PHF20L1: variants seen among roughly 807,000 people sequenced by gnomAD.
PHF20L1 encodes the protein PHD finger protein 20 like 1.
A neutral mutation model predicts 125.5 loss-of-function variants in PHF20L1; 44 were observed. The ratio of observed to expected loss-of-function variants is 0.35; its 90% CI spans 0.28 to 0.45. The LOEUF is 0.45. Among genes scored for constraint, PHF20L1 ranks in the 20% least tolerant of loss-of-function variants. The pLI is 1.00. For synonymous variants in PHF20L1, 380 were observed against 403.1 expected, an observed-to-expected ratio of 0.94 and a Z score of 0.69; for missense variants, 1,012 against 1,217.2, an observed-to-expected ratio of 0.83 and a Z score of 2.51.
intron 19 of PHF20L1, 142 bp from the exon 20 acceptor site, chr8:132,844,014 A>G: frequency 1.4e-6 from 2 of 1,432,872 alleles, no homozygotes; most frequent in Non-Finnish European, 1.8e-6. Context: ...GTTATGTAGC[A>G]GTACTTCTTT....
intron 2 of PHF20L1, among the ~76,000 whole-genome samples, chr8:132,789,939 C>T (rs1831481359): frequency 6.6e-6 from 1 of 152,108 alleles, no homozygotes; most frequent in South Asian, 2.1e-4. Flanking sequence ...TTTCTTTTCT[C>T]TTTATCTCTA....
intron 2 of PHF20L1, among the ~76,000 whole-genome samples, chr8:132,786,755 A>T (rs1043071663): frequency 4.6e-5 from 7 of 152,104 alleles, no homozygotes; most frequent in Non-Finnish European, 8.8e-5. Flanking sequence ...TTAGTACTTC[A>T]TTTAAAGGGT....
intron 2 of PHF20L1, among the ~76,000 whole-genome samples, chr8:132,786,219 T>C (rs994177436): frequency 1.3e-5 from 2 of 152,158 alleles, no homozygotes; most frequent in African/African-American, 4.8e-5. Flanking sequence ...TCAAACGTGA[T>C]GAAAGTTAAG....
At chr8:132,845,704 C>T in intron 20 of PHF20L1, 77 bp from the exon 21 acceptor site, 1 of 1,044,084 alleles carries the variant, frequency 9.6e-7, no homozygotes, top group African/African-American at 1.6e-5. Flanking sequence ...ATCACAGCTC[C>T]AACTTTCTGA....
At chr8:132,835,530 T>C (rs989173719) in intron 15 of PHF20L1, among the ~76,000 whole-genome samples, 6 of 152,104 alleles carry the variant, frequency 3.9e-5, no homozygotes, top group Non-Finnish European at 5.9e-5. Context: ...CTGAGCAAAA[T>C]GGTAGGCTTT....
chr8:132,792,045 C>T (rs1831780540), intron 2 of PHF20L1, among the ~76,000 whole-genome samples: 1 of 152,116 alleles, frequency 6.6e-6, no homozygotes, highest in Admixed American at 6.5e-5. Flanking sequence ...TTACTGTGGA[C>T]TATTCTCACT....
At chr8:132,830,095 C>A (rs1836600147) in intron 14 of PHF20L1, among the ~76,000 whole-genome samples, 1 of 152,044 alleles carries the variant, frequency 6.6e-6, no homozygotes, top group East Asian at 1.9e-4. Context: ...ACCAAGGTAT[C>A]AACAGGGCTC....
intron 14 of PHF20L1, among the ~76,000 whole-genome samples, chr8:132,827,881 A>G (rs555479829): frequency 6.6e-6 from 1 of 152,230 alleles, no homozygotes; most frequent in South Asian, 2.1e-4. Flanking sequence ...TAAGATGCAC[A>G]GAAACATTGC....
intron 12 of PHF20L1, among the ~76,000 whole-genome samples, chr8:132,822,948 T>C (rs1835761597): frequency 6.6e-6 from 1 of 151,980 alleles, no homozygotes; most frequent in African/African-American, 2.4e-5. Flanking sequence ...TTAAATGTAC[T>C]GTAGTATTTT....
Position 132,847,314 on chromosome 8 carries a change from TA to T in PHF20L1, c.*1392del, listed in dbSNP as rs1298053574. The T allele has an allele frequency of 1.3e-5, 2 of 152,596 alleles. No individual in the cohort carries two copies. The highest frequency in any genetic ancestry group is 2.9e-5 in the Non-Finnish European group (2 of 68,004). 9.5% of individuals were successfully genotyped at this position (152,596 alleles called of 1,614,324 possible). On this transcript the variant is annotated 3_prime_UTR_variant, in exon 21 of 21. Coordinates refer to ENST00000395386, the MANE Select transcript of PHF20L1 (RefSeq NM_016018.5). Reference sequence around the variant, plus strand: ...TTTTTAAAAATTAAAAATGTATGTATAGGTTTTGAAATTTTTTTAAAAGGGG... The same window carrying T: ...TTTTTAAAAATTAAAAATGTATGTATGGTTTTGAAATTTTTTTAAAAGGGG...
intron 15 of PHF20L1, among the ~76,000 whole-genome samples, chr8:132,836,122 C>T (rs568246115): frequency 3.9e-5 from 6 of 152,094 alleles, no homozygotes; most frequent in Non-Finnish European, 8.8e-5. Context: ...TTACTACACA[C>T]ACCTGTCCCC....
chr8:132,806,318 C>T (rs1371882895), intron 8 of PHF20L1: 1 of 151,984 alleles, frequency 6.6e-6, no homozygotes. Context: ...CATTATTTCT[C>T]TATGGCCTTG....
At chr8:132,825,403 T>C in intron 14 of PHF20L1, 32 bp downstream of exon 14, 1 of 1,446,728 alleles carries the variant, frequency 6.9e-7, no homozygotes, top group Non-Finnish European at 9.2e-7. Context: ...TTCCCTCTTT[T>C]TTTAAAATTT....
intron 14 of PHF20L1, among the ~76,000 whole-genome samples, chr8:132,827,536 G>GGGAAAAAGATA (rs1370044844): frequency 3.9e-5 from 6 of 151,966 alleles, no homozygotes; most frequent in Admixed American, 2.0e-4. Flanking sequence ...TGTGAAAGTG[G>GGGAAAAAGATA]GGAAAAAGAT....
intron 2 of PHF20L1, among the ~76,000 whole-genome samples, chr8:132,782,255 CTG>C (rs200060392): frequency 0.018 from 2,681 of 152,250 alleles, 75 homozygotes; most frequent in African/African-American, 0.06. Flanking sequence ...TAAATTCAGA[CTG>C]TTACTTATTA....
intron 14 of PHF20L1, among the ~76,000 whole-genome samples, chr8:132,828,172 A>G (rs905226841): frequency 3.9e-5 from 6 of 151,970 alleles, no homozygotes; most frequent in African/African-American, 1.4e-4. Flanking sequence ...GGAGTTTCAA[A>G]ATTCTTTCTT....
intron 19 of PHF20L1, 119 bp downstream of exon 19, chr8:132,842,994 C>T (rs1245898230): frequency 7.7e-6 from 11 of 1,436,308 alleles, no homozygotes; most frequent in Non-Finnish European, 2.7e-6. Flanking sequence ...TCCCCAGTAC[C>T]TTGTTAAAGT....
At chr8:132,819,674 T>A (rs535524347) in intron 12 of PHF20L1, among the ~76,000 whole-genome samples, 1 of 151,962 alleles carries the variant, frequency 6.6e-6, no homozygotes, top group Non-Finnish European at 1.5e-5. Flanking sequence ...CAGGTTTTTA[T>A]GTTTTTATTT....
intron 2 of PHF20L1, among the ~76,000 whole-genome samples, chr8:132,783,682 A>G (rs924069146): frequency 6.6e-6 from 1 of 152,112 alleles, no homozygotes; most frequent in African/African-American, 2.4e-5. Context: ...TTGTCTTTTC[A>G]TAATTTGGGA....
Sources: allele counts gnomAD v4.1 joint callset (sites outside exome capture counted in the v4.1 genomes callset), GRCh38; gene constraint gnomAD v4.1.1; transcripts MANE v1.5; gene names NCBI Gene and HGNC (gene_info 2026-07-23, HGNC 2026-07-21).